Variants in CD96 observed in about 807,000 individuals in gnomAD.
The protein encoded by CD96 is CD96 molecule.
CD96 carries 70 observed loss-of-function variants against 71.3 expected under a neutral mutation model. The observed-to-expected ratio is 0.98, with a 90% CI of 0.81 to 1.20. CD96 has a LOEUF of 1.20. CD96 is among the 50% of genes most tolerant of loss of function. CD96 has a pLI of 0.00. For missense variants in CD96, 742 were observed against 677.5 expected (o/e 1.10, Z -1.06); for synonymous variants, 248 against 233.0 (o/e 1.06, Z -0.59).
rs560516681 is a variant in CD96, at chr3:111,579,030, G to T, written c.547G>T (p.Asp183Tyr). The change falls in exon 4 of 14, where the codon GAT (aspartate) becomes TAT (tyrosine). Residue 183 changes from aspartate to tyrosine, a missense_variant. Asp to Tyr is a radical substitution (Grantham distance 160). Transcript: ENST00000352690. ...TGGTAACAATTTTTCTCACCAGGAG[G>T]ATAATGGAACTCAGGAAACACTTAT... is the stretch of plus-strand genomic sequence containing the variant. Reference protein sequence around the residue: ...SEFTYAWSVEDNGTQETLISQ... With the variant: ...SEFTYAWSVEYNGTQETLISQ... 2 of 1,575,910 alleles carry T rather than the reference G, an allele frequency of 1.3e-6. No homozygotes were observed. Among genetic ancestry groups the T allele is most frequent in the East Asian group, 2.2e-5 (1 of 44,720 alleles).
chr3:111,605,700 AT>A (rs1344706905), intron 7 of CD96, among the ~76,000 whole-genome samples: 1 of 152,216 alleles, frequency 6.6e-6, no homozygotes, highest in Non-Finnish European at 1.5e-5. Context: ...GCTACTAGCA[AT>A]AAGAATAGAA....
intron 8 of CD96, among the ~76,000 whole-genome samples, chr3:111,616,604 GAATA>G (rs1314142237): frequency 6.6e-6 from 1 of 152,196 alleles, no homozygotes; most frequent in African/African-American, 2.4e-5. Flanking sequence ...TACCAGAATG[GAATA>G]AATATAGTCT....
At chr3:111,553,427 CTTTTTTCTTTTT>C (rs1010543679) in intron 2 of CD96, among the ~76,000 whole-genome samples, 3 of 123,160 alleles carry the variant, frequency 2.4e-5, no homozygotes, top group Admixed American at 1.9e-4. Context: ...TTTAGGTTTT[CTTTTTTCTTTTT>C]TTTTTTTTTT....
chr3:111,582,398 G>C lies in CD96; in HGVS notation c.752-2925G>C, dbSNP rs117360267. On this transcript the variant is annotated intron_variant, in intron 4 of 13. Transcript: ENST00000352690. ...TTGTGCTGGGCAGTTAAGTGCTAGAGATGAAGAAATTGATAAAATACTGGC... is the reference window on the plus strand; with the variant it reads ...TTGTGCTGGGCAGTTAAGTGCTAGACATGAAGAAATTGATAAAATACTGGC... Among the ~76,000 whole-genome samples, 234 of 152,284 alleles carry C rather than the reference G, an allele frequency of 1.5e-3. 6 individuals carry two copies. The East Asian group carries it at 0.038, about 25-fold the overall frequency.
At chr3:111,663,750 C>A (rs975287308) in intron 14 of CD96, among the ~76,000 whole-genome samples, 4 of 73,754 alleles carry the variant, frequency 5.4e-5, no homozygotes, top group Non-Finnish European at 1.3e-4. Flanking sequence ...AATGCTTATA[C>A]ACTTTTTTTT....
At chr3:111,629,363 C>T (rs1210623872) in intron 10 of CD96, among the ~76,000 whole-genome samples, 1 of 151,976 alleles carries the variant, frequency 6.6e-6, no homozygotes, top group African/African-American at 2.4e-5. Context: ...AGGTTGCAGT[C>T]TTAGTCTCTG....
chr3:111,588,435 G>T (rs953145828), intron 5 of CD96, among the ~76,000 whole-genome samples: 1 of 152,154 alleles, frequency 6.6e-6, no homozygotes, highest in Admixed American at 6.5e-5. Context: ...CATTCAGCAA[G>T]TCTCTAGGAA....
chr3:111,566,611 G>A (rs1464797245), intron 2 of CD96, among the ~76,000 whole-genome samples: 1 of 152,114 alleles, frequency 6.6e-6, no homozygotes, highest in Non-Finnish European at 1.5e-5. Context: ...AGATGGTAGA[G>A]TTGCCTTTAT....
intron 10 of CD96, among the ~76,000 whole-genome samples, chr3:111,630,564 G>A (rs776215011): frequency 1.3e-5 from 2 of 151,964 alleles, no homozygotes; most frequent in African/African-American, 4.8e-5. Context: ...TTCACAACTG[G>A]ATTCTACCAG....
At chr3:111,548,303 T>A (rs1934518482) in intron 2 of CD96, among the ~76,000 whole-genome samples, 1 of 152,202 alleles carries the variant, frequency 6.6e-6, no homozygotes, top group Admixed American at 6.5e-5. Context: ...CCTGTTCCCA[T>A]GTTCCCCAAG....
Position 111,544,940 on chromosome 3 carries a change from A to G in CD96, c.62-106A>G, listed in dbSNP as rs1934309854. On this transcript the variant is annotated intron_variant, in intron 1 of 13. Transcript: ENST00000352690. ...CTATTCCTAAAGCAGCCAGGGAGAAATTTCCTCAGTTGCTCCCCTCACCTT... is the reference window on the plus strand; with the variant it reads ...CTATTCCTAAAGCAGCCAGGGAGAAGTTTCCTCAGTTGCTCCCCTCACCTT... 7.7e-6 allele frequency: 7 copies of G among 908,236 alleles called. No homozygotes were observed. In the East Asian group the frequency reaches 1.7e-4, roughly 22 times the overall value. 56.3% of individuals were successfully genotyped at this position (908,236 alleles called of 1,614,324 possible).
intron 12 of CD96, among the ~76,000 whole-genome samples, chr3:111,639,987 C>T (rs1274409022): frequency 1.3e-5 from 2 of 152,188 alleles, no homozygotes; most frequent in Non-Finnish European, 2.9e-5. Flanking sequence ...CAACAGCCTT[C>T]AGCCCTAGAC....
intron 4 of CD96, among the ~76,000 whole-genome samples, chr3:111,584,586 G>A (rs535129905): frequency 9.2e-5 from 14 of 152,262 alleles, no homozygotes; most frequent in Admixed American, 3.3e-4. Context: ...ATCATGGTGC[G>A]TGGTGAAAGG....
At chr3:111,595,273 T>A (rs941620633) in intron 5 of CD96, 4 of 152,052 alleles carry the variant, frequency 2.6e-5, no homozygotes, top group Non-Finnish European at 4.4e-5. Context: ...GTTAGGAAAT[T>A]CCCCCCAGCC....
At chr3:111,553,616 TA>T (rs1314278473) in intron 2 of CD96, among the ~76,000 whole-genome samples, 1 of 151,968 alleles carries the variant, frequency 6.6e-6, no homozygotes, top group Non-Finnish European at 1.5e-5. Flanking sequence ...AGTATTTCTA[TA>T]AAGAGAAACT....
At chr3:111,553,071 T>A (rs1390865213) in intron 2 of CD96, among the ~76,000 whole-genome samples, 1 of 150,904 alleles carries the variant, frequency 6.6e-6, no homozygotes, top group African/African-American at 2.5e-5. Flanking sequence ...CTTTAAAAGA[T>A]AAAGATGTCA....
chr3:111,632,071 A>G (rs1939092379), intron 10 of CD96, among the ~76,000 whole-genome samples: 1 of 152,222 alleles, frequency 6.6e-6, no homozygotes, highest in African/African-American at 2.4e-5. Context: ...CAAAGATTTC[A>G]TGATGAAGAT....
At chr3:111,658,461 C>G (rs1004953297) in intron 14 of CD96, among the ~76,000 whole-genome samples, 1 of 152,122 alleles carries the variant, frequency 6.6e-6, no homozygotes, top group South Asian at 2.1e-4. Flanking sequence ...ATTTTGTAAT[C>G]AGCATAATAA....
At chr3:111,628,357 C>A (rs543232665) in intron 10 of CD96, among the ~76,000 whole-genome samples, 2 of 152,298 alleles carry the variant, frequency 1.3e-5, no homozygotes, top group South Asian at 2.1e-4. Flanking sequence ...AGCTGAAAAA[C>A]ACACTACAAA....
Sources: allele counts gnomAD v4.1 joint callset (sites outside exome capture counted in the v4.1 genomes callset), GRCh38; gene constraint gnomAD v4.1.1; transcripts MANE v1.5; gene names NCBI Gene and HGNC (gene_info 2026-07-23, HGNC 2026-07-21).